E2F3: variants seen among roughly 807,000 people sequenced by gnomAD.
E2F3 encodes transcription factor E2F3.
Under a neutral mutation model 44.4 loss-of-function variants are expected in E2F3, and 11 were observed. The ratio of observed to expected loss-of-function variants is 0.25; its 90% CI spans 0.16 to 0.41. The LOEUF (loss-of-function observed/expected upper bound fraction) is 0.41. Ranked by LOEUF, E2F3 falls within the 10% of genes least tolerant of loss-of-function variation. E2F3 has a pLI of 1.00. For synonymous variants in E2F3, 249 were observed against 253.0 expected, an observed-to-expected ratio of 0.98 and a Z score of 0.15; for missense variants, 487 against 583.6, an observed-to-expected ratio of 0.83 and a Z score of 1.70.
chr6:20,469,159 T>G (rs916103716), intron 1 of E2F3, among the ~76,000 whole-genome samples: 1 of 152,218 alleles, frequency 6.6e-6, no homozygotes, highest in African/African-American at 2.4e-5. Context: ...CAAGAAAGGA[T>G]ATATAGTCTC....
chr6:20,436,957 G>A (rs534884208), intron 1 of E2F3, among the ~76,000 whole-genome samples: 3 of 152,188 alleles, frequency 2.0e-5, no homozygotes, highest in Admixed American at 6.5e-5. Context: ...CCATCTCCAC[G>A]AGAATGTTAA....
chr6:20,468,939 C>A (rs1214339783), intron 1 of E2F3, among the ~76,000 whole-genome samples: 1 of 152,146 alleles, frequency 6.6e-6, no homozygotes, highest in Non-Finnish European at 1.5e-5. Context: ...TGCAGAATGA[C>A]AGCCATGCAG....
chr6:20,424,194 T>C (rs985904789), intron 1 of E2F3, among the ~76,000 whole-genome samples: 15 of 143,452 alleles, frequency 1.0e-4, no homozygotes, highest in African/African-American at 3.9e-4. Flanking sequence ...ATTTTGATCT[T>C]TAACCTCAGT....
At chr6:20,412,418 A>G (rs966641151) in intron 1 of E2F3, among the ~76,000 whole-genome samples, 1 of 151,690 alleles carries the variant, frequency 6.6e-6, no homozygotes, top group African/African-American at 2.4e-5. Flanking sequence ...GGCTTGGTGG[A>G]AAGGGAAGAT....
intron 1 of E2F3, among the ~76,000 whole-genome samples, chr6:20,464,473 C>T (rs545875866): frequency 6.6e-6 from 1 of 152,306 alleles, no homozygotes; most frequent in Non-Finnish European, 1.5e-5. Context: ...TTACAGTGTT[C>T]CTGTGACATC....
intron 1 of E2F3, among the ~76,000 whole-genome samples, chr6:20,412,296 C>T (rs1384379750): frequency 6.6e-6 from 1 of 152,020 alleles, no homozygotes; most frequent in Non-Finnish European, 1.5e-5. Context: ...TCCCAGGGCG[C>T]TTTTTAAAAA....
At chr6:20,459,833 T>C (rs1761438962) in intron 1 of E2F3, among the ~76,000 whole-genome samples, 2 of 152,024 alleles carry the variant, frequency 1.3e-5, no homozygotes, top group Non-Finnish European at 2.9e-5. Context: ...TCCCAGCTAC[T>C]TGGGGGGTCG....
chr6:20,428,514 C>T (rs1413797370), intron 1 of E2F3, among the ~76,000 whole-genome samples: 2 of 152,154 alleles, frequency 1.3e-5, no homozygotes, highest in South Asian at 2.1e-4. Context: ...TGAGCCACCA[C>T]GCCCAGCCCC....
At chr6:20,488,827 C>T (rs1762474211) in intron 6 of E2F3, among the ~76,000 whole-genome samples, 1 of 152,080 alleles carries the variant, frequency 6.6e-6, no homozygotes, top group African/African-American at 2.4e-5. Flanking sequence ...AACCCTGTCT[C>T]TACTAAAAAT....
At chr6:20,463,443 C>G (rs6902331) in intron 1 of E2F3, among the ~76,000 whole-genome samples, 138,887 of 152,234 alleles carry the variant, frequency 0.91, 63,443 homozygotes, top group East Asian at 0.94. Flanking sequence ...ACCATTTCTA[C>G]TGCTCTTAAT....
At chr6:20,480,127 G>C (rs1208812285) in intron 2 of E2F3, 170 bp downstream of exon 2, 5 of 938,576 alleles carry the variant, frequency 5.3e-6, no homozygotes. Flanking sequence ...CAGACAACCA[G>C]TGAAAGGCTA....
intron 4 of E2F3, among the ~76,000 whole-genome samples, chr6:20,485,639 A>T: frequency 6.6e-6 from 1 of 152,190 alleles, no homozygotes; most frequent in Admixed American, 6.5e-5. Context: ...TCTTTTCCTA[A>T]ATCAGTGTTT....
rs1762532431 is a variant in E2F3 at position 20,490,731 on chromosome 6, G to GTCCTTCC, written c.*312_*318dup. The stretch of plus-strand genomic sequence containing the variant: ...AATCAGGTGTCTCTCACCCCGAATT[G>GTCCTTCC]TCCTTCCTCCTTCCTCCCCGGATTG... On this transcript the variant is annotated 3_prime_UTR_variant, in exon 7 of 7. Transcript: ENST00000346618. The surrounding 1 kb of genome is among the most constrained non-coding windows in gnomAD (Gnocchi z 4.3). 1 of 265,452 alleles carries GTCCTTCC rather than the reference G, an allele frequency of 3.8e-6. No individual in the cohort carries two copies. The highest frequency in any genetic ancestry group is 7.1e-6 in the Non-Finnish European group (1 of 140,630). 16.4% of individuals were successfully genotyped at this position (265,452 alleles called of 1,614,324 possible).
At chr6:20,477,637 T>G (rs2127618714) in intron 1 of E2F3, among the ~76,000 whole-genome samples, 1 of 152,318 alleles carries the variant, frequency 6.6e-6, no homozygotes, top group Middle Eastern at 3.4e-3. Context: ...ATCTTAGGTA[T>G]GCTCTGGAAT....
chr6:20,490,397 G>A lies in E2F3; in HGVS notation c.1365G>A (p.Lys455=). ...SDLFDAYDLE[K]LPLVEDFMCS ...TCTTCGATGCTTACGATTTGGAAAA[G>A]CTCCCACTGGTGGAAGACTTCATGT... The change falls in exon 7 of 7, where the codon AAG becomes AAA. Residue 455 remains lysine, a synonymous_variant. Coordinates refer to ENST00000346618, the MANE Select transcript of E2F3 (RefSeq NM_001949.5). The surrounding 1 kb of genome is among the most constrained non-coding windows in gnomAD (Gnocchi z 4.3). The A allele has an allele frequency of 6.2e-7, 1 of 1,600,264 alleles. No individual in the cohort carries two copies. Among genetic ancestry groups the A allele is most frequent in the Non-Finnish European group, 8.5e-7 (1 of 1,172,464 alleles).
chr6:20,421,210 TGGG>T (rs1760016651), intron 1 of E2F3, among the ~76,000 whole-genome samples: 1 of 152,186 alleles, frequency 6.6e-6, no homozygotes, highest in African/African-American at 2.4e-5. Context: ...CCATAAGGGT[TGGG>T]ATCAACTTCT....
At chr6:20,479,594 C>T (rs1424396587) in intron 1 of E2F3, among the ~76,000 whole-genome samples, 2 of 152,230 alleles carry the variant, frequency 1.3e-5, no homozygotes, top group African/African-American at 4.8e-5. Flanking sequence ...GAACCTAATG[C>T]TGAAGGATCG....
chr6:20,444,805 T>C (rs1352764117), intron 1 of E2F3, among the ~76,000 whole-genome samples: 1 of 152,150 alleles, frequency 6.6e-6, no homozygotes, highest in African/African-American at 2.4e-5. Context: ...TCTTGGAAAA[T>C]GTTGTATGTC....
chr6:20,484,744 G>A (rs190712297), intron 4 of E2F3, among the ~76,000 whole-genome samples: 2 of 152,340 alleles, frequency 1.3e-5, no homozygotes, highest in African/African-American at 4.8e-5. Context: ...TCGTGTGAAT[G>A]TGCTTTCTTT....
Sources: gnomAD v4.1 joint callset for allele counts (sites outside exome capture counted in the v4.1 genomes callset) on GRCh38, gnomAD v4.1.1 for gene constraint, Gnocchi (gnomAD v3.1) non-coding constraint, MANE v1.5 for transcripts, NCBI Gene and HGNC (gene_info 2026-07-23, HGNC 2026-07-21) for gene names.